The following NCKAP5 variants were observed in gnomAD, a reference collection of about 807,000 sequenced individuals.
NCKAP5 encodes nck-associated protein 5.
NCKAP5 carries 92 observed loss-of-function variants against 167.0 expected under a neutral mutation model. That is an observed-to-expected ratio of 0.55 (90% CI 0.47 to 0.66). The LOEUF (loss-of-function observed/expected upper bound fraction) is 0.66. Among genes scored for constraint, NCKAP5 ranks in the 30% least tolerant of loss-of-function variants. The pLI is 0.00. For synonymous variants in NCKAP5, 891 were observed against 877.4 expected, an observed-to-expected ratio of 1.02 and a Z score of -0.27; for missense variants, 2,378 against 2,315.0, an observed-to-expected ratio of 1.03 and a Z score of -0.56.
chr2:133,548,454 A>T (rs1484600098), intron 2 of NCKAP5, among the ~76,000 whole-genome samples: 68 of 151,038 alleles, frequency 4.5e-4, no homozygotes, highest in African/African-American at 1.4e-3. Flanking sequence ...AAATGAAGGA[A>T]AAAATGTTAA....
intron 2 of NCKAP5, among the ~76,000 whole-genome samples, chr2:133,524,931 T>C (rs984895612): frequency 2.0e-5 from 3 of 152,128 alleles, no homozygotes; most frequent in African/African-American, 7.2e-5. Flanking sequence ...TGTGTTCATG[T>C]GTGTATGAGC....
intron 5 of NCKAP5, among the ~76,000 whole-genome samples, chr2:133,152,361 G>A (rs2149892132): frequency 6.6e-6 from 1 of 152,140 alleles, no homozygotes; most frequent in South Asian, 2.1e-4. Context: ...AAAATCTATT[G>A]CTCTTTGTTG....
At chr2:133,434,483 G>A (rs1054436725) in intron 3 of NCKAP5, among the ~76,000 whole-genome samples, 3 of 152,164 alleles carry the variant, frequency 2.0e-5, no homozygotes, top group Admixed American at 6.5e-5. Context: ...ATCTTTACTC[G>A]TTATATAATT....
intron 3 of NCKAP5, among the ~76,000 whole-genome samples, chr2:133,513,020 C>T (rs1194540144): frequency 6.6e-6 from 1 of 152,178 alleles, no homozygotes; most frequent in African/African-American, 2.4e-5. Flanking sequence ...ACTAGAAGCA[C>T]TTGAGGAAGC....
intron 7 of NCKAP5, among the ~76,000 whole-genome samples, chr2:132,965,904 T>TTGTGTGTATG (rs2076648228): frequency 7.1e-6 from 1 of 140,870 alleles, no homozygotes; most frequent in African/African-American, 2.6e-5. Flanking sequence ...ACATGACTCT[T>TTGTGTGTATG]TGTGTGTGTG....
chr2:132,954,379 GATTTTGGTTCTTAA>G, intron 8 of NCKAP5, among the ~76,000 whole-genome samples: 1 of 152,256 alleles, frequency 6.6e-6, no homozygotes, highest in Middle Eastern at 3.4e-3. Context: ...TGGGATTCTT[GATTTTGGTTCTTAA>G]ATAAGAAATC....
intron 3 of NCKAP5, among the ~76,000 whole-genome samples, chr2:133,427,194 G>A (rs977789994): frequency 1.3e-5 from 2 of 152,152 alleles, no homozygotes; most frequent in African/African-American, 2.4e-5. Flanking sequence ...TGATTAAGGA[G>A]CAAACATAAA....
chr2:133,342,243 G>A (rs1194817361), intron 3 of NCKAP5, among the ~76,000 whole-genome samples: 1 of 152,156 alleles, frequency 6.6e-6, no homozygotes, highest in East Asian at 1.9e-4. Flanking sequence ...GAAAGGAAAT[G>A]GGGGAGGGGA....
At chr2:133,243,304 TG>T (rs1559309266) in intron 4 of NCKAP5, among the ~76,000 whole-genome samples, 2 of 152,162 alleles carry the variant, frequency 1.3e-5, no homozygotes, top group African/African-American at 4.8e-5. Flanking sequence ...GGATGTATGA[TG>T]AGATTCTCAA....
At chr2:133,577,680 A>G in the NCKAP5 span, among the ~76,000 whole-genome samples, 4 of 151,814 alleles carry the variant, frequency 2.6e-5, no homozygotes, top group South Asian at 2.1e-4. Flanking sequence ...CCCCCACCCC[A>G]CAACAGTCCC....
chr2:133,285,540 G>C (rs909292524), intron 4 of NCKAP5, among the ~76,000 whole-genome samples: 6 of 151,978 alleles, frequency 3.9e-5, no homozygotes, highest in Admixed American at 3.3e-4. Flanking sequence ...GTGGGGTGGG[G>C]TGAGGGAGGG....
rs532057307 is a variant in NCKAP5, at chr2:132,676,114, G to T, written c.5714-2809C>A. 3.3e-5 allele frequency among the ~76,000 whole-genome samples: 5 copies of T among 152,014 alleles called. No individual in the cohort carries two copies. The South Asian group carries it at 1.0e-3, about 32-fold the overall frequency. On this transcript the variant is annotated intron_variant, in intron 19 of 19. Coordinates refer to ENST00000409261, the MANE Select transcript of NCKAP5 (RefSeq NM_207363.3). ...GCAGAAATGTGGGTGCAGATCTTTC[G>T]ATTTCAAAGATGAGGAGATACATCT...
chr2:132,865,783 G>A (rs1027954500), intron 10 of NCKAP5, among the ~76,000 whole-genome samples: 3 of 152,168 alleles, frequency 2.0e-5, no homozygotes, highest in African/African-American at 7.2e-5. Context: ...TTAAAGCAAG[G>A]GCTCTGCCAC....
At chr2:133,648,690 C>T in the NCKAP5 span, among the ~76,000 whole-genome samples, 2 of 151,298 alleles carry the variant, frequency 1.3e-5, no homozygotes, top group South Asian at 4.2e-4. Context: ...TAGAAAATAC[C>T]TCAAGACAAA....
chr2:132,954,924 T>C (rs2076295251), intron 8 of NCKAP5, among the ~76,000 whole-genome samples: 1 of 152,208 alleles, frequency 6.6e-6, no homozygotes, highest in Admixed American at 6.5e-5. Context: ...AGTTTTTGTC[T>C]CAAATCCTAG....
intron 3 of NCKAP5, among the ~76,000 whole-genome samples, chr2:133,406,899 A>G (rs771897018): frequency 6.6e-6 from 1 of 152,184 alleles, no homozygotes; most frequent in Non-Finnish European, 1.5e-5. Context: ...TATTCCTATC[A>G]AACCCAAACT....
chr2:133,049,930 G>C (rs2079545721), intron 6 of NCKAP5, among the ~76,000 whole-genome samples: 1 of 152,198 alleles, frequency 6.6e-6, no homozygotes, highest in Non-Finnish European at 1.5e-5. Context: ...CAAAGGAATG[G>C]GGACAAAGGA....
intron 19 of NCKAP5, among the ~76,000 whole-genome samples, chr2:132,718,725 G>A (rs1465076029): frequency 6.6e-6 from 1 of 152,104 alleles, no homozygotes; most frequent in Non-Finnish European, 1.5e-5. Flanking sequence ...ATGCATAAGG[G>A]GCTACACAAG....
intron 6 of NCKAP5, among the ~76,000 whole-genome samples, chr2:133,062,310 C>T (rs573528887): frequency 3.3e-5 from 5 of 152,276 alleles, no homozygotes; most frequent in African/African-American, 7.2e-5. Context: ...CTATATGAGG[C>T]TTGGCCTTGT....
Sources: allele counts gnomAD v4.1 joint callset (sites outside exome capture counted in the v4.1 genomes callset), GRCh38; gene constraint gnomAD v4.1.1; transcripts MANE v1.5; gene names NCBI Gene and HGNC (gene_info 2026-07-23, HGNC 2026-07-21).